The following PTTG1IP2 variants were observed in gnomAD, a reference collection of about 807,000 sequenced individuals.
PTTG1IP2 encodes PTTG1IP family member 2.
intron 1 of PTTG1IP2, among the ~76,000 whole-genome samples, chr7:90,472,317 CACA>C (rs1797701244): frequency 1.0e-5 from 1 of 97,956 alleles, no homozygotes; most frequent in African/African-American, 3.8e-5. Context: ...CACACACACA[CACA>C]CCCCAAATAA....
chr7:90,471,869 C>T (rs1173595717), intron 1 of PTTG1IP2, among the ~76,000 whole-genome samples: 1 of 152,136 alleles, frequency 6.6e-6, no homozygotes, highest in Admixed American at 6.5e-5. Context: ...TCCTGCGTTA[C>T]AAGCTGGATT....
rs1045378838 is a variant in PTTG1IP2 at position 90,498,756 on chromosome 7, T to C, written c.*50+4326T>C. ...GTTTCCTAATACCATAATGTTTTAA[T>C]TGTGGAGGATATATAAGCTATTTTA... On this transcript the variant is annotated intron_variant, in intron 6 of 6. Transcript: ENST00000509356. 2.6e-5 allele frequency among the ~76,000 whole-genome samples: 4 copies of C among 152,250 alleles called. No homozygotes were observed. In the South Asian group the frequency reaches 8.3e-4, roughly 31 times the overall value.
intron 6 of PTTG1IP2, among the ~76,000 whole-genome samples, chr7:90,496,162 G>T (rs1797988169): frequency 6.6e-6 from 1 of 152,126 alleles, no homozygotes; most frequent in Admixed American, 6.5e-5. Flanking sequence ...GATAGTACTG[G>T]CCTCATTAAA....
chr7:90,507,695 T>C (rs1227085788), intron 6 of PTTG1IP2, among the ~76,000 whole-genome samples: 1 of 152,186 alleles, frequency 6.6e-6, no homozygotes, highest in Non-Finnish European at 1.5e-5. Context: ...ATTATTTAAA[T>C]GACTTAAGTA....
At chr7:90,490,277 G>C (rs1342387619) in intron 4 of PTTG1IP2, among the ~76,000 whole-genome samples, 1 of 151,942 alleles carries the variant, frequency 6.6e-6, no homozygotes, top group African/African-American at 2.4e-5. Context: ...ATCCCAGTAT[G>C]ATATTATTTT....
At chr7:90,499,800 C>A (rs947343599) in intron 6 of PTTG1IP2, among the ~76,000 whole-genome samples, 7 of 152,070 alleles carry the variant, frequency 4.6e-5, no homozygotes, top group Non-Finnish European at 1.0e-4. Context: ...CCAGGCTGGT[C>A]TTGAACTCCT....
At position 90,504,951 on chromosome 7, in the gene PTTG1IP2, T is replaced by G. The variant is rs1798107732; in HGVS notation, c.*51-8327T>G. ...GAAACAACGATTAATCCAACAAACA[T>G]AAGCCACACTAATAAACCCCACATG... is the stretch of plus-strand genomic sequence containing the variant. On this transcript the variant is annotated intron_variant, in intron 6 of 6. Transcript: ENST00000509356. 2.0e-5 allele frequency among the ~76,000 whole-genome samples: 3 copies of G among 152,216 alleles called. No individual in the cohort carries two copies. The South Asian group carries it at 6.2e-4, about 31-fold the overall frequency.
intron 6 of PTTG1IP2, among the ~76,000 whole-genome samples, chr7:90,497,555 A>C (rs8180852): frequency 1 from 130,631 of 130,678 alleles, 65,292 homozygotes; most frequent in Middle Eastern, 1. Flanking sequence ...CAGAGCGAGA[A>C]TCCGTCTCAA....
chr7:90,488,067 C>T (rs1797896559), intron 3 of PTTG1IP2, among the ~76,000 whole-genome samples: 1 of 151,912 alleles, frequency 6.6e-6, no homozygotes, highest in African/African-American at 2.4e-5. Flanking sequence ...CAATACTTAC[C>T]AAGGCAGGAA....
At chr7:90,507,296 C>G (rs1163557571) in intron 6 of PTTG1IP2, among the ~76,000 whole-genome samples, 2 of 152,184 alleles carry the variant, frequency 1.3e-5, no homozygotes, top group African/African-American at 4.8e-5. Flanking sequence ...ATGCATTTTT[C>G]TCAAGGGACT....
chr7:90,497,219 G>C (rs1052411520), intron 6 of PTTG1IP2, among the ~76,000 whole-genome samples: 7 of 151,980 alleles, frequency 4.6e-5, no homozygotes, highest in Non-Finnish European at 8.8e-5. Context: ...ATTGCTTAAG[G>C]CCAGGAGTTT....
rs1797970630 is a variant in PTTG1IP2, at chr7:90,494,364, T to C, written c.452-3T>C. 1 of 152,208 alleles carries C rather than the reference T, an allele frequency of 6.6e-6. No homozygotes were observed. The highest frequency in any genetic ancestry group is 1.5e-5 in the Non-Finnish European group (1 of 68,026). The allele number at this position is 152,208 out of a possible 1,614,324, so 9.4% of individuals were successfully genotyped here. A position where few individuals can be genotyped will look rare whatever the true frequency, so the allele number is the denominator to read the frequency against. On this transcript the variant is annotated splice_region_variant and splice_polypyrimidine_tract_variant and intron_variant, in intron 5 of 6. Coordinates refer to ENST00000509356, the MANE Select transcript of PTTG1IP2 (RefSeq NM_001365443.2). The stretch of plus-strand genomic sequence containing the variant: ...AAGATAAATTTATTTTCTCTTCTCA[T>C]AGTATATGATGAATAGATAATTGAA...
chr7:90,511,907 T>C (rs1461626565), intron 6 of PTTG1IP2, among the ~76,000 whole-genome samples: 1 of 152,256 alleles, frequency 6.6e-6, no homozygotes, highest in Non-Finnish European at 1.5e-5. Flanking sequence ...TACAGATCAC[T>C]GTGTTCCTTC....
chr7:90,509,427 A>C (rs1019670043), intron 6 of PTTG1IP2, among the ~76,000 whole-genome samples: 1 of 152,186 alleles, frequency 6.6e-6, no homozygotes, highest in East Asian at 1.9e-4. Flanking sequence ...GAGACCCCAA[A>C]GTCTCCACTG....
rs116872421 is a variant in PTTG1IP2, at chr7:90,502,652, G to A, written c.*50+8222G>A. Among the ~76,000 whole-genome samples the A allele has an allele frequency of 4.5e-3, 692 of 152,252 alleles. 4 individuals carry two copies. The highest frequency in any genetic ancestry group is 7.9e-3 in the Non-Finnish European group (540 of 68,016). On this transcript the variant is annotated intron_variant, in intron 6 of 6. Coordinates refer to ENST00000509356, the MANE Select transcript of PTTG1IP2 (RefSeq NM_001365443.2). ...TGTGTACATCTCCATCAGAACTCTC[G>A]AGTGACCAGGCGCATTGTCAATGAG... is the stretch of plus-strand genomic sequence containing the variant.
At chr7:90,497,340 G>A (rs1017480062) in intron 6 of PTTG1IP2, among the ~76,000 whole-genome samples, 17 of 151,928 alleles carry the variant, frequency 1.1e-4, no homozygotes, top group Non-Finnish European at 2.1e-4. Context: ...CGAGGCAGGC[G>A]GATCACGAGG....
At chr7:90,492,969 G>C (rs1797955135) in intron 5 of PTTG1IP2, among the ~76,000 whole-genome samples, 1 of 152,050 alleles carries the variant, frequency 6.6e-6, no homozygotes, top group Admixed American at 6.5e-5. Flanking sequence ...CACAGTTCCT[G>C]GGCAGGCACT....
At chr7:90,474,352 T>C (rs974832139) in intron 1 of PTTG1IP2, among the ~76,000 whole-genome samples, 4 of 152,200 alleles carry the variant, frequency 2.6e-5, no homozygotes, top group Non-Finnish European at 4.4e-5. Flanking sequence ...ATATATATTA[T>C]GACAGTGCTG....
chr7:90,476,744 T>A (rs1797752114), intron 1 of PTTG1IP2, among the ~76,000 whole-genome samples: 1 of 152,018 alleles, frequency 6.6e-6, no homozygotes, highest in Non-Finnish European at 1.5e-5. Context: ...TGACAAACCT[T>A]TATTCACCTA....
Sources: allele counts gnomAD v4.1 joint callset (sites outside exome capture counted in the v4.1 genomes callset), GRCh38; gene constraint gnomAD v4.1.1; transcripts MANE v1.5; gene names NCBI Gene and HGNC (gene_info 2026-07-23, HGNC 2026-07-21).